ABCB1: variants seen among roughly 807,000 people sequenced by gnomAD.
ABCB1 encodes ATP binding cassette subfamily B member 1.
Under a neutral mutation model 142.0 loss-of-function variants are expected in ABCB1, and 69 were observed. The observed-to-expected ratio is 0.49, with a 90% CI of 0.40 to 0.59. ABCB1 has a LOEUF of 0.59. ABCB1 is among the 20% of genes least tolerant of loss of function. The pLI, the probability that ABCB1 is intolerant of heterozygous loss-of-function variation, is 0.00. For missense variants in ABCB1, 1,326 were observed against 1,554.7 expected (o/e 0.85, Z 2.47); for synonymous variants, 532 against 539.2 (o/e 0.99, Z 0.18).
chr7:87,709,185 G>A (rs1829856797), intron 1 of ABCB1: 1 of 918,976 alleles, frequency 1.1e-6, no homozygotes, highest in Non-Finnish European at 1.3e-6. Flanking sequence ...TGTATGGATT[G>A]AAATTAATAA....
chr7:87,573,549 C>T (rs980807738), intron 4 of ABCB1, among the ~76,000 whole-genome samples: 1 of 152,154 alleles, frequency 6.6e-6, no homozygotes, highest in African/African-American at 2.4e-5. Flanking sequence ...AATCTTTCTA[C>T]CCCAGTTAGG....
intron 17 of ABCB1, 124 bp from the exon 18 acceptor site, chr7:87,541,588 G>A: frequency 2.7e-6 from 2 of 745,096 alleles, no homozygotes; most frequent in Non-Finnish European, 4.8e-6. Flanking sequence ...GGAAATTGGG[G>A]TTGGCTTTCC....
chr7:87,650,439 G>A (rs1585002513), intron 1 of ABCB1, among the ~76,000 whole-genome samples: 3 of 152,090 alleles, frequency 2.0e-5, no homozygotes, highest in African/African-American at 4.8e-5. Context: ...GTCTTTACAT[G>A]GCAGAAGAGG....
At chr7:87,573,729 T>A (rs1029406458) in intron 4 of ABCB1, among the ~76,000 whole-genome samples, 5 of 152,206 alleles carry the variant, frequency 3.3e-5, no homozygotes, top group East Asian at 1.9e-4. Flanking sequence ...AAAGAAAATA[T>A]GTTTAAAGTA....
chr7:87,562,527 T>C (rs1817603101), intron 7 of ABCB1, among the ~76,000 whole-genome samples: 1 of 152,164 alleles, frequency 6.6e-6, no homozygotes, highest in South Asian at 2.1e-4. Flanking sequence ...ATTGCCACAA[T>C]GGAGACAACC....
intron 1 of ABCB1, among the ~76,000 whole-genome samples, chr7:87,609,284 AT>A (rs1265018665): frequency 1.3e-5 from 2 of 152,176 alleles, no homozygotes; most frequent in African/African-American, 2.4e-5. Context: ...TGCCATGAAT[AT>A]ATTGGAGATC....
chr7:87,544,775 G>A, intron 16 of ABCB1, 48 bp downstream of exon 16: 1 of 1,603,794 alleles, frequency 6.2e-7, no homozygotes, highest in Non-Finnish European at 8.5e-7. Context: ...CCAAACTAGG[G>A]AACCACAGTT....
At chr7:87,590,702 T>C (rs1347764651) in intron 3 of ABCB1, among the ~76,000 whole-genome samples, 1 of 152,210 alleles carries the variant, frequency 6.6e-6, no homozygotes. Context: ...AATATTTGTC[T>C]GCAGTAAAGT....
At chr7:87,700,472 T>C in intron 1 of ABCB1, 1 of 1,613,596 alleles carries the variant, frequency 6.2e-7, no homozygotes, top group Non-Finnish European at 8.5e-7. Flanking sequence ...TGGGACTATA[T>C]CAGAGTGGCT....
rs2117131893 is a variant in ABCB1 at position 87,531,915 on chromosome 7, G to C, written c.2482-418C>G. Among the ~76,000 whole-genome samples the C allele has an allele frequency of 1.3e-5, 2 of 152,172 alleles. 1 individual carries two copies. The highest frequency in any genetic ancestry group is 4.1e-4 in the South Asian group (2 of 4,820). ...TCATTAATAATATTCAAATATATCT[G>C]GGTCTGTTTGAGATATAATGTTTAA... On this transcript the variant is annotated intron_variant, in intron 20 of 27. Transcript: ENST00000622132.
upstream of ABCB1, chr7:87,603,159 A>G (rs955561101): frequency 2.6e-5 from 4 of 152,254 alleles, no homozygotes; most frequent in African/African-American, 9.6e-5. Context: ...GTAATAATAT[A>G]TAATGATAAT....
At chr7:87,553,648 G>A (rs1392918235) in intron 9 of ABCB1, 113 bp downstream of exon 9, 1 of 1,169,436 alleles carries the variant, frequency 8.6e-7, no homozygotes, top group Non-Finnish European at 1.2e-6. Context: ...TAGTGCATAT[G>A]TCTGTAGTAT....
chr7:87,711,549 A>C (rs1397636070), intron 1 of ABCB1, among the ~76,000 whole-genome samples: 1 of 152,118 alleles, frequency 6.6e-6, no homozygotes, highest in Non-Finnish European at 1.5e-5. Context: ...TCATCTGCTG[A>C]TCTTTATTTG....
At chr7:87,549,175 A>G (rs939293046) in intron 14 of ABCB1, among the ~76,000 whole-genome samples, 173 bp downstream of exon 14, 4 of 152,230 alleles carry the variant, frequency 2.6e-5, no homozygotes, top group African/African-American at 9.6e-5. Flanking sequence ...GAACAATAAA[A>G]CAAACAAATA....
At chr7:87,658,045 A>G (rs1824296043) in intron 1 of ABCB1, among the ~76,000 whole-genome samples, 1 of 152,204 alleles carries the variant, frequency 6.6e-6, no homozygotes, top group African/African-American at 2.4e-5. Flanking sequence ...AAGATCTCAG[A>G]TTGCATAATA....
At chr7:87,596,182 T>A (rs1819201266) in intron 2 of ABCB1, among the ~76,000 whole-genome samples, 1 of 152,068 alleles carries the variant, frequency 6.6e-6, no homozygotes, top group Non-Finnish European at 1.5e-5. Context: ...AAATCATTCA[T>A]GCTTCCCCTT....
At chr7:87,650,937 G>A in intron 1 of ABCB1, 1 of 1,546,322 alleles carries the variant, frequency 6.5e-7, no homozygotes, top group Non-Finnish European at 8.9e-7. Flanking sequence ...CCGGCTAAAA[G>A]GTAAAAGCAC....
chr7:87,566,070 C>T lies in ABCB1; in HGVS notation c.702G>A (p.Lys234=), dbSNP rs753495660. 1 of 1,614,124 alleles carries T rather than the reference C, an allele frequency of 6.2e-7. No individual in the cohort carries two copies. The highest frequency in any genetic ancestry group is 1.1e-5 in the South Asian group (1 of 91,070). ...ATCTGGATTCACAGGCTTCACCTAC[C>T]TTTGCCCAGACAGCAGCTGACAGTC... ...VLGLSAAVWA[K]ILSSFTDKEL... The change falls in exon 7 of 28, where the codon AAG becomes AAA. Residue 234 remains lysine (K), a splice_region_variant and synonymous_variant. Coordinates refer to ENST00000622132, the MANE Select transcript of ABCB1 (RefSeq NM_001348946.2).
chr7:87,515,082 T>C (rs1815167792), intron 25 of ABCB1, 149 bp downstream of exon 25: 1 of 1,038,698 alleles, frequency 9.6e-7, no homozygotes, highest in South Asian at 1.5e-5. Flanking sequence ...TGACACCACT[T>C]GGAGACCATA....
Sources: allele counts gnomAD v4.1 joint callset (sites outside exome capture counted in the v4.1 genomes callset), GRCh38; gene constraint gnomAD v4.1.1; transcripts MANE v1.5; gene names NCBI Gene and HGNC (gene_info 2026-07-23, HGNC 2026-07-21).